Variants in CELF2 observed in about 807,000 individuals in gnomAD.
CELF2 encodes the protein CUGBP Elav-like family member 2.
In CELF2, 8 loss-of-function variants were observed where a neutral mutation model predicts 62.6. That is an observed-to-expected ratio of 0.13 (90% CI 0.07 to 0.23). The LOEUF (loss-of-function observed/expected upper bound fraction) is 0.23, where lower values mean the gene tolerates loss of function less well. CELF2 is among the 10% of genes least tolerant of loss of function. The pLI is 1.00. For missense variants in CELF2, 333 were observed against 671.0 expected, an observed-to-expected ratio of 0.50 and a Z score of 5.56; for synonymous variants, 258 against 250.0, an observed-to-expected ratio of 1.03 and a Z score of -0.30.
chr10:10,609,220 G>A, the CELF2 span, among the ~76,000 whole-genome samples: 1 of 152,138 alleles, frequency 6.6e-6, no homozygotes, highest in African/African-American at 2.4e-5. Flanking sequence ...TGTGTTTGCT[G>A]GCCAAGGCTA....
the CELF2 span, among the ~76,000 whole-genome samples, chr10:10,674,539 T>A: frequency 2.0e-5 from 3 of 152,226 alleles, no homozygotes; most frequent in Admixed American, 2.0e-4. Flanking sequence ...TATAATTGGA[T>A]TGCTGTCTAC....
At chr10:10,991,293 G>A (rs959802057) in intron 2 of CELF2, among the ~76,000 whole-genome samples, 18 of 152,150 alleles carry the variant, frequency 1.2e-4, no homozygotes, top group African/African-American at 3.4e-4. Flanking sequence ...TTCAGCTGAC[G>A]ACAGCTAATG....
intron 1 of CELF2, among the ~76,000 whole-genome samples, chr10:11,089,061 T>G (rs2047597498): frequency 6.6e-6 from 1 of 152,202 alleles, no homozygotes; most frequent in South Asian, 2.1e-4. Context: ...TACAGTCTTT[T>G]CAGCCTAGCC....
the CELF2 span, among the ~76,000 whole-genome samples, chr10:10,684,792 G>C: frequency 1.3e-5 from 2 of 152,224 alleles, no homozygotes; most frequent in Non-Finnish European, 2.9e-5. Context: ...AATTAGGCCA[G>C]CTCCCATCCC....
At position 11,214,873 on chromosome 10, in the gene CELF2, A is replaced by G. The variant is rs1292758883; in HGVS notation, c.272-2552A>G. Among the ~76,000 whole-genome samples the G allele has an allele frequency of 6.6e-6, 1 of 152,194 alleles. No homozygotes were observed. The highest frequency in any genetic ancestry group is 1.5e-5 in the Non-Finnish European group (1 of 68,030). On this transcript the variant is annotated intron_variant, in intron 2 of 12. Transcript: ENST00000633077. This position sits in a 1 kb window ranked among gnomAD's most constrained non-coding sequence, Gnocchi z 4.2. ...GTTGTAAAGGCAGAGTGGACCTTGG[A>G]TGAAACTAGAAAGTATTTGAGATCT...
chr10:10,519,641 C>CG, the CELF2 span, among the ~76,000 whole-genome samples: 4 of 152,178 alleles, frequency 2.6e-5, no homozygotes, highest in Non-Finnish European at 5.9e-5. Context: ...TAAACAATTT[C>CG]GGGTTGTTGT....
chr10:10,875,667 A>G (rs1285785190), intron 1 of CELF2, among the ~76,000 whole-genome samples: 3 of 152,106 alleles, frequency 2.0e-5, no homozygotes. Flanking sequence ...AGGATGAGGG[A>G]TAAGCACCTT....
the CELF2 span, among the ~76,000 whole-genome samples, chr10:10,507,679 A>G: frequency 6.6e-6 from 1 of 152,156 alleles, no homozygotes; most frequent in Non-Finnish European, 1.5e-5. Flanking sequence ...AAGGAGAGGA[A>G]TTTGTGGGAA....
intron 1 of CELF2, among the ~76,000 whole-genome samples, chr10:10,809,043 T>C (rs2055553140): frequency 6.6e-6 from 1 of 152,186 alleles, no homozygotes; most frequent in South Asian, 2.1e-4. Flanking sequence ...AATGTGGTGG[T>C]ATTTGGAGAT....
intron 1 of CELF2, among the ~76,000 whole-genome samples, chr10:11,095,656 A>G (rs2049633649): frequency 6.6e-6 from 1 of 152,204 alleles, no homozygotes; most frequent in Admixed American, 6.5e-5. Flanking sequence ...TTGCCTTTCA[A>G]CTTGAAAGAG....
chr10:10,583,406 G>A, the CELF2 span, among the ~76,000 whole-genome samples: 1 of 152,090 alleles, frequency 6.6e-6, no homozygotes, highest in African/African-American at 2.4e-5. Flanking sequence ...AGTAATTCAG[G>A]CTTACCTGTG....
Position 11,247,625 on chromosome 10 carries a change from A to C in CELF2, c.355-1528A>C, listed in dbSNP as rs1347551578. On this transcript the variant is annotated intron_variant, in intron 3 of 12. Transcript: ENST00000633077. The surrounding 1 kb of genome is among the most constrained non-coding windows in gnomAD (Gnocchi z 5.4). ...CCATGCCCGCCATCCCACCCCTGCC[A>C]CACTGAGCACCTGAAGGGAGGACCT... 8.3e-6 allele frequency among the ~76,000 whole-genome samples: 1 copy of C among 120,188 alleles called. No individual in the cohort carries two copies. The highest frequency in any genetic ancestry group is 1.7e-5 in the Non-Finnish European group (1 of 59,838). The allele number at this position is 120,188 out of a possible 152,430, so 78.8% of individuals were successfully genotyped here. A position where few individuals can be genotyped will look rare whatever the true frequency, so the allele number is the denominator to read the frequency against.
At chr10:10,771,537 A>AT in the CELF2 span, among the ~76,000 whole-genome samples, 4 of 152,250 alleles carry the variant, frequency 2.6e-5, no homozygotes, top group East Asian at 7.7e-4. Context: ...ATTCCTATGT[A>AT]TTGTGGGAGG....
intron 1 of CELF2, among the ~76,000 whole-genome samples, chr10:10,891,659 G>A (rs887536711): frequency 5.3e-5 from 8 of 152,232 alleles, no homozygotes; most frequent in East Asian, 1.9e-4. Flanking sequence ...TTCAGGCCTC[G>A]GTTCATTCCA....
intron 5 of CELF2, 128 bp downstream of exon 5, chr10:11,258,000 A>G: frequency 9.2e-7 from 1 of 1,084,316 alleles, no homozygotes; most frequent in African/African-American, 1.6e-5. Flanking sequence ...TGATAAAGTT[A>G]TCCAACCTGA....
chr10:10,820,964 G>A (rs2056912460), intron 1 of CELF2, among the ~76,000 whole-genome samples: 1 of 152,232 alleles, frequency 6.6e-6, no homozygotes. Flanking sequence ...CCCGGCCAGA[G>A]ATGACAGTAG....
At chr10:10,559,224 A>C in the CELF2 span, among the ~76,000 whole-genome samples, 1 of 152,156 alleles carries the variant, frequency 6.6e-6, no homozygotes, top group Non-Finnish European at 1.5e-5. Flanking sequence ...AGTATTAAGC[A>C]TGTCTGACCT....
At chr10:11,198,030 C>T (rs565768221) in intron 2 of CELF2, among the ~76,000 whole-genome samples, 1 of 152,286 alleles carries the variant, frequency 6.6e-6, no homozygotes. Flanking sequence ...CAACATTAAC[C>T]AGTGATTTAT....
chr10:10,804,290 C>T (rs2054975070), intron 1 of CELF2, among the ~76,000 whole-genome samples: 1 of 152,178 alleles, frequency 6.6e-6, no homozygotes. Context: ...GGTATGTAAA[C>T]AGCTTGGGTG....
Sources: allele counts gnomAD v4.1 joint callset (sites outside exome capture counted in the v4.1 genomes callset), GRCh38; gene constraint gnomAD v4.1.1; non-coding constraint Gnocchi (gnomAD v3.1); transcripts MANE v1.5; gene names NCBI Gene and HGNC (gene_info 2026-07-23, HGNC 2026-07-21).